The following ARID4A variants were observed in gnomAD, a reference collection of about 807,000 sequenced individuals.
ARID4A encodes AT-rich interaction domain 4A.
ARID4A carries 39 observed loss-of-function variants against 148.6 expected under a neutral mutation model. That is an observed-to-expected ratio of 0.26 (90% CI 0.20 to 0.34). ARID4A has a LOEUF of 0.34. ARID4A is among the 10% of genes least tolerant of loss of function. The pLI is 1.00. For synonymous variants in ARID4A, 475 were observed against 481.2 expected (o/e 0.99, Z 0.17); for missense variants, 1,265 against 1,449.1 (o/e 0.87, Z 2.06).
intron 11 of ARID4A, 56 bp from the exon 12 acceptor site, chr14:58,344,639 G>A: frequency 8.1e-7 from 1 of 1,239,446 alleles, no homozygotes. Context: ...AATAAAAGAA[G>A]ACATGTATCT....
chr14:58,359,723 C>T (rs532167579), intron 18 of ARID4A, among the ~76,000 whole-genome samples: 1 of 152,128 alleles, frequency 6.6e-6, no homozygotes, highest in Admixed American at 6.5e-5. Flanking sequence ...GCTTCTTTTG[C>T]TTAGTAATAT....
At chr14:58,347,947 T>C in intron 15 of ARID4A, 69 bp downstream of exon 15, 1 of 1,080,600 alleles carries the variant, frequency 9.3e-7, no homozygotes, top group Non-Finnish European at 1.3e-6. Context: ...GCCATTTTCA[T>C]ATATACACAA....
intron 8 of ARID4A, among the ~76,000 whole-genome samples, chr14:58,327,928 C>T (rs571426865): frequency 6.6e-6 from 1 of 152,200 alleles, no homozygotes; most frequent in East Asian, 1.9e-4. Context: ...CCACCTTGAC[C>T]TCCCAAAATG....
At chr14:58,299,027 C>G (rs2030841001) in intron 1 of ARID4A, among the ~76,000 whole-genome samples, 1 of 152,172 alleles carries the variant, frequency 6.6e-6, no homozygotes, top group South Asian at 2.1e-4. Context: ...CTCCGCGGCG[C>G]GTCCACCTCT....
intron 5 of ARID4A, among the ~76,000 whole-genome samples, chr14:58,314,473 G>T (rs1241210957): frequency 6.6e-6 from 1 of 152,150 alleles, no homozygotes; most frequent in Non-Finnish European, 1.5e-5. Flanking sequence ...TGTTGCCCAG[G>T]CTGGACTGCA....
At chr14:58,325,155 A>T (rs961034910) in intron 8 of ARID4A, among the ~76,000 whole-genome samples, 2 of 152,182 alleles carry the variant, frequency 1.3e-5, no homozygotes, top group Non-Finnish European at 2.9e-5. Flanking sequence ...TTGGAAATTA[A>T]TGCCTTTTTT....
chr14:58,363,090 A>G (rs1357235106), intron 19 of ARID4A, among the ~76,000 whole-genome samples: 1 of 152,220 alleles, frequency 6.6e-6, no homozygotes, highest in African/African-American at 2.4e-5. Flanking sequence ...CTATACAACT[A>G]CATACCAGCC....
intron 11 of ARID4A, among the ~76,000 whole-genome samples, chr14:58,343,260 A>G (rs1042965288): frequency 6.6e-6 from 1 of 152,218 alleles, no homozygotes; most frequent in Non-Finnish European, 1.5e-5. Flanking sequence ...TAGAACTTAT[A>G]TTTAAATTTC....
chr14:58,364,328 A>T lies in ARID4A; in HGVS notation c.2239A>T (p.Asn747Tyr). Residue 747 changes from asparagine to tyrosine, a missense_variant, in exon 20 of 24, where the codon AAT becomes TAT. Asn to Tyr is a moderately radical substitution (Grantham distance 143). This residue lies in a region of ARID4A where 666 missense variants were observed against 730.9 expected (regional missense o/e 0.91). Transcript: ENST00000355431. Reference sequence around the variant, plus strand: ...GATTTCTGCACATATATTAAAAGAAAATGATAGGACTCAAATGCAGCCTTT... The same window carrying T: ...GATTTCTGCACATATATTAAAAGAATATGATAGGACTCAAATGCAGCCTTT... ...PKISAHILKE[N>Y]DRTQMQPLET... 6.4e-7 allele frequency: 1 copy of T among 1,573,822 alleles called. No individual in the cohort carries two copies. The highest frequency in any genetic ancestry group is 8.6e-7 in the Non-Finnish European group (1 of 1,169,024).
chr14:58,348,660 C>G (rs957168392), intron 15 of ARID4A, among the ~76,000 whole-genome samples: 2 of 152,112 alleles, frequency 1.3e-5, no homozygotes, highest in Admixed American at 6.6e-5. Flanking sequence ...ATTTACCACA[C>G]TATCAAAGAA....
At chr14:58,365,929 G>GT in intron 21 of ARID4A, 95 bp from the exon 22 acceptor site, 6 of 1,111,684 alleles carry the variant, frequency 5.4e-6, no homozygotes, top group African/African-American at 3.2e-5. Context: ...ACTTATTTCT[G>GT]TAGGATACCA....
At chr14:58,344,240 G>C (rs1027860950) in intron 11 of ARID4A, among the ~76,000 whole-genome samples, 14 of 151,968 alleles carry the variant, frequency 9.2e-5, no homozygotes, top group African/African-American at 3.1e-4. Context: ...GCAATCCCTG[G>C]TTTATATTCA....
In ARID4A at chr14:58,300,630, G is replaced by A. The variant is rs558618741; in HGVS notation, c.6+770G>A. On this transcript the variant is annotated intron_variant, in intron 2 of 23. Coordinates refer to ENST00000355431, the MANE Select transcript of ARID4A (RefSeq NM_002892.4). ...TAGCATTTTCCCAAACTTTCTCGTG[G>A]TTTTCTATTTTCTCGAAGTAAATGA... 2.1e-4 allele frequency among the ~76,000 whole-genome samples: 32 copies of A among 152,090 alleles called. No homozygotes were observed. The South Asian group carries it at 4.4e-3, about 21-fold the overall frequency.
intron 5 of ARID4A, among the ~76,000 whole-genome samples, chr14:58,309,901 A>G (rs1168086154): frequency 6.6e-6 from 1 of 152,182 alleles, no homozygotes; most frequent in African/African-American, 2.4e-5. Context: ...TTTAGATTCA[A>G]CTGGTGAATT....
At chr14:58,371,445 C>G (rs2035610445) in intron 23 of ARID4A, among the ~76,000 whole-genome samples, 1 of 152,160 alleles carries the variant, frequency 6.6e-6, no homozygotes, top group African/African-American at 2.4e-5. Flanking sequence ...CACATCATTA[C>G]TTTGATCCTG....
At chr14:58,359,061 T>A in intron 17 of ARID4A, 71 bp from the exon 18 acceptor site, 1 of 1,463,876 alleles carries the variant, frequency 6.8e-7, no homozygotes. Flanking sequence ...TTTCGTTTGG[T>A]GAATACATTT....
intron 20 of ARID4A, 31 bp from the exon 21 acceptor site, chr14:58,365,487 T>C (rs1284511474): frequency 3.2e-6 from 4 of 1,266,256 alleles, no homozygotes; most frequent in South Asian, 1.4e-5. Flanking sequence ...TTTTTTTTTT[T>C]TTCAACATTC....
intron 15 of ARID4A, among the ~76,000 whole-genome samples, chr14:58,349,012 C>A (rs1347771167): frequency 6.6e-6 from 1 of 152,120 alleles, no homozygotes; most frequent in Non-Finnish European, 1.5e-5. Flanking sequence ...AACAGTAACT[C>A]CTCATTCCTC....
At chr14:58,349,612 G>A (rs1162388937) in intron 15 of ARID4A, among the ~76,000 whole-genome samples, 2 of 152,116 alleles carry the variant, frequency 1.3e-5, no homozygotes, top group African/African-American at 2.4e-5. Flanking sequence ...TACTCAGGAC[G>A]CTGAGGCAGG....
Sources: allele counts gnomAD v4.1 joint callset (sites outside exome capture counted in the v4.1 genomes callset), GRCh38; gene constraint gnomAD v4.1.1; regional missense constraint gnomAD v4.1.1; transcripts MANE v1.5; gene names NCBI Gene and HGNC (gene_info 2026-07-23, HGNC 2026-07-21).